PAM: variants seen among roughly 807,000 people sequenced by gnomAD.
PAM encodes peptidylglycine alpha-amidating monooxygenase, also known as peptidyl-glycine alpha-amidating monooxygenase.
A neutral mutation model predicts 122.1 loss-of-function variants in PAM; 72 were observed. The observed-to-expected ratio is 0.59, with a 90% CI of 0.49 to 0.72. The LOEUF is 0.72. PAM is among the 30% of genes least tolerant of loss of function. The pLI is 0.00. For missense variants in PAM, 1,106 were observed against 1,183.7 expected, an observed-to-expected ratio of 0.93 and a Z score of 0.96; for synonymous variants, 389 against 404.4, an observed-to-expected ratio of 0.96 and a Z score of 0.46.
At chr5:102,955,004 G>A (rs916206229) in intron 12 of PAM, among the ~76,000 whole-genome samples, 1 of 151,954 alleles carries the variant, frequency 6.6e-6, no homozygotes, top group African/African-American at 2.4e-5. Context: ...ACATTTAAAG[G>A]CACCACGAAA....
chr5:102,960,814 A>T (rs1057137200), intron 13 of PAM, among the ~76,000 whole-genome samples: 1 of 151,824 alleles, frequency 6.6e-6, no homozygotes, highest in Non-Finnish European at 1.5e-5. Flanking sequence ...AATATGCCTT[A>T]AAGTGTTCTT....
intron 1 of PAM, among the ~76,000 whole-genome samples, chr5:102,790,096 T>C (rs115685161): frequency 2.1e-3 from 327 of 152,270 alleles, no homozygotes; most frequent in African/African-American, 7.7e-3. Flanking sequence ...TGATTGTTAT[T>C]TGTTTATTCA....
At position 102,913,883 on chromosome 5, in the gene PAM, G is replaced by T. The variant is rs112746759; in HGVS notation, c.269-51G>T. 17,099 of 1,001,090 alleles carry T rather than the reference G, an allele frequency of 0.017. 209 individuals are homozygous for T. The highest frequency in any genetic ancestry group is 0.023 in the Non-Finnish European group (14,154 of 621,552). 62.0% of individuals were successfully genotyped at this position (1,001,090 alleles called of 1,614,324 possible). A position where few individuals can be genotyped will look rare whatever the true frequency, so the allele number is the denominator to read the frequency against. The stretch of plus-strand genomic sequence containing the variant: ...CAAAGATGTATTTTATGACTTTGGT[G>T]CACAGAAGTGTAACTTGTATTCACA... On this transcript the variant is annotated intron_variant, in intron 4 of 25. Coordinates refer to ENST00000438793, the MANE Select transcript of PAM (RefSeq NM_001177306.2).
At chr5:102,774,194 G>A (rs1756543027) in intron 1 of PAM, among the ~76,000 whole-genome samples, 1 of 152,166 alleles carries the variant, frequency 6.6e-6, no homozygotes, top group Admixed American at 6.5e-5. Flanking sequence ...GTGTCTTTAT[G>A]ATAGAATGAT....
intron 1 of PAM, among the ~76,000 whole-genome samples, chr5:102,798,550 TG>T (rs1763927097): frequency 6.6e-6 from 1 of 152,232 alleles, no homozygotes; most frequent in African/African-American, 2.4e-5. Context: ...TTCTCATTTG[TG>T]GCTAGAGAGT....
chr5:102,950,409 G>A (rs1298685668), intron 11 of PAM, among the ~76,000 whole-genome samples: 1 of 148,152 alleles, frequency 6.7e-6, no homozygotes, highest in African/African-American at 2.6e-5. Context: ...ATTTGTGTAT[G>A]TGGGTGGGTG....
At chr5:102,807,119 A>G (rs1766446186) in intron 1 of PAM, among the ~76,000 whole-genome samples, 1 of 152,242 alleles carries the variant, frequency 6.6e-6, no homozygotes, top group African/African-American at 2.4e-5. Flanking sequence ...CTTTACAATT[A>G]CAGTATTTGC....
At chr5:102,774,529 A>G (rs1437055037) in intron 1 of PAM, among the ~76,000 whole-genome samples, 4 of 152,096 alleles carry the variant, frequency 2.6e-5, no homozygotes, top group Non-Finnish European at 5.9e-5. Flanking sequence ...AAGCAGATAG[A>G]AAGCAGACAT....
chr5:102,788,297 A>G (rs1392141242), intron 1 of PAM, among the ~76,000 whole-genome samples: 1 of 152,132 alleles, frequency 6.6e-6, no homozygotes, highest in African/African-American at 2.4e-5. Flanking sequence ...TACCCTTCAT[A>G]TACTCCATAA....
chr5:102,794,089 C>T (rs1282549243), intron 1 of PAM, among the ~76,000 whole-genome samples: 1 of 152,140 alleles, frequency 6.6e-6, no homozygotes, highest in African/African-American at 2.4e-5. Flanking sequence ...TGGCCAGCTA[C>T]CCCCTTGAGA....
In PAM at chr5:102,960,817, G is replaced by A. The variant is rs77802814; in HGVS notation, c.1091-341G>A. On this transcript the variant is annotated intron_variant, in intron 13 of 25. Transcript: ENST00000438793. ...CTATATTTATAGAATATGCCTTAAA[G>A]TGTTCTTAAATGTTCTTAAAACAGT... Among the ~76,000 whole-genome samples the A allele has an allele frequency of 6.3e-3, 952 of 151,776 alleles. 11 individuals carry two copies. Among genetic ancestry groups the A allele is most frequent in the African/African-American group, 0.021 (873 of 41,482 alleles).
intron 5 of PAM, among the ~76,000 whole-genome samples, chr5:102,924,387 C>T (rs949164445): frequency 7.4e-5 from 11 of 149,086 alleles, no homozygotes; most frequent in African/African-American, 2.5e-4. Flanking sequence ...GAGTCAAGAT[C>T]GCGCCATTGC....
chr5:102,976,032 A>C (rs1053192703), intron 15 of PAM, among the ~76,000 whole-genome samples: 19 of 152,162 alleles, frequency 1.2e-4, no homozygotes, highest in African/African-American at 4.6e-4. Context: ...CATACTTTCC[A>C]AAGTGGTCAA....
chr5:102,976,504 A>G (rs1767723159), intron 15 of PAM, among the ~76,000 whole-genome samples: 1 of 152,134 alleles, frequency 6.6e-6, no homozygotes, highest in Admixed American at 6.5e-5. Flanking sequence ...ATAGTCAAAG[A>G]GAATAAATTT....
At chr5:103,025,388 C>A in intron 24 of PAM, 54 bp downstream of exon 24, 1 of 1,372,656 alleles carries the variant, frequency 7.3e-7, no homozygotes, top group Non-Finnish European at 1.0e-6. Flanking sequence ...GAGTGTTTGG[C>A]CTAATTATCC....
In PAM at chr5:102,926,256, G is replaced by A. The variant is rs933697870; in HGVS notation, c.443-329G>A. Among the ~76,000 whole-genome samples the A allele has an allele frequency of 2.6e-5, 4 of 152,122 alleles. No individual in the cohort carries two copies. The South Asian group carries it at 6.2e-4, about 24-fold the overall frequency. ...ACTACAGGCGCCCGCCACCGCGCCC[G>A]GCTAATGTATGTCTTTTAAATAATC... On this transcript the variant is annotated intron_variant, in intron 6 of 25. Transcript: ENST00000438793.
At chr5:102,839,366 A>G (rs533278566) in intron 1 of PAM, among the ~76,000 whole-genome samples, 2 of 152,114 alleles carry the variant, frequency 1.3e-5, no homozygotes, top group South Asian at 2.1e-4. Context: ...GTGAATGTGT[A>G]TCATTTAGAT....
intron 14 of PAM, among the ~76,000 whole-genome samples, chr5:102,972,495 T>G (rs1240913513): frequency 6.6e-6 from 1 of 152,120 alleles, no homozygotes; most frequent in Non-Finnish European, 1.5e-5. Context: ...TTGCCCAGGC[T>G]GGTCTCGAGC....
chr5:102,959,038 A>G (rs1288992191), intron 12 of PAM, among the ~76,000 whole-genome samples: 1 of 151,992 alleles, frequency 6.6e-6, no homozygotes, highest in Non-Finnish European at 1.5e-5. Flanking sequence ...AATGAAATAT[A>G]TAATAACCCA....
Sources: gnomAD v4.1 joint callset for allele counts (sites outside exome capture counted in the v4.1 genomes callset) on GRCh38, gnomAD v4.1.1 for gene constraint, MANE v1.5 for transcripts, NCBI Gene and HGNC (gene_info 2026-07-23, HGNC 2026-07-21) for gene names.